Variants in ADAMTSL4 observed in about 807,000 individuals in gnomAD.
The protein encoded by ADAMTSL4 is ADAMTS like 4.
Under a neutral mutation model 122.8 loss-of-function variants are expected in ADAMTSL4, and 97 were observed. The observed-to-expected ratio is 0.79, with a 90% CI of 0.67 to 0.93. The LOEUF (loss-of-function observed/expected upper bound fraction) is 0.93, where lower values mean the gene tolerates loss of function less well. Among genes scored for constraint, ADAMTSL4 ranks in the 40% least tolerant of loss-of-function variants. The probability of loss-of-function intolerance (pLI) is 0.00; values close to 1 mark genes in which losing one functional copy is unlikely to be tolerated. For synonymous variants in ADAMTSL4, 592 were observed against 568.0 expected (o/e 1.04, Z -0.60); for missense variants, 1,408 against 1,453.5 (o/e 0.97, Z 0.51).
Position 150,555,702 on chromosome 1 carries a change from C to T in ADAMTSL4, c.1371+137C>T, listed in dbSNP as rs28630653. 6.9e-6 allele frequency: 5 copies of T among 726,942 alleles called. No individual in the cohort carries two copies. The Admixed American group carries it at 1.5e-4, about 22-fold the overall frequency. The allele number at this position is 726,942 out of a possible 1,614,324, so 45.0% of individuals were successfully genotyped here. A position where few individuals can be genotyped will look rare whatever the true frequency, so the allele number is the denominator to read the frequency against. On this transcript the variant is annotated intron_variant, in intron 8 of 18. Transcript: ENST00000271643. ...GCACATACACACACGCATATGCGCACAGACACATGCACACACGCACACACA... is the reference window on the plus strand; with the variant it reads ...GCACATACACACACGCATATGCGCATAGACACATGCACACACGCACACACA...
chr1:150,558,542 G>A lies in ADAMTSL4; in HGVS notation c.2452G>A (p.Val818Met), dbSNP rs1672446705. The A allele has an allele frequency of 1.9e-6, 3 of 1,613,914 alleles. No individual in the cohort carries two copies. Among genetic ancestry groups the A allele is most frequent in the East Asian group, 2.2e-5 (1 of 44,876 alleles). Residue 818 changes from valine (V) to methionine (M), a missense_variant, in exon 15 of 19, where the codon GTG (valine) becomes ATG (methionine). Val to Met is a conservative substitution (Grantham distance 21). Transcript: ENST00000271643. ...VRCVGNNGDE[V>M]SEQECASGPP... ...CTGTGTTGGGAACAATGGTGATGAA[G>A]TGAGCGAGCAGGAGTGTGCGTCAGG... is the stretch of plus-strand genomic sequence containing the variant.
Position 150,553,588 on chromosome 1 carries a change from A to G in ADAMTSL4, c.597A>G (p.Pro199=). ...RGEEAIPSPT[P]RAEPFSANGS... is the part of the protein sequence containing the mutation. ...AAGAGGCTATTCCGTCCCCTACTCC[A>G]AGAGCAGAGCCATTCTCCGCAAACG... is the stretch of plus-strand genomic sequence containing the variant. The change falls in exon 6 of 19, where the codon CCA becomes CCG. Residue 199 remains proline (P), a synonymous_variant. Coordinates refer to ENST00000271643, the MANE Select transcript of ADAMTSL4 (RefSeq NM_019032.6). 6.2e-7 allele frequency: 1 copy of G among 1,613,648 alleles called. No homozygotes were observed. The highest frequency in any genetic ancestry group is 1.3e-5 in the African/African-American group (1 of 74,844).
intron 8 of ADAMTSL4, 79 bp downstream of exon 8, chr1:150,555,644 C>CACAG (rs1335085776): frequency 1.9e-6 from 3 of 1,577,812 alleles, no homozygotes; most frequent in African/African-American, 1.3e-5. Flanking sequence ...TACACATGTA[C>CACAG]ACACATATGT....
intron 2 of ADAMTSL4, chr1:150,551,103 C>T (rs1570914373): frequency 4.7e-6 from 2 of 426,172 alleles, no homozygotes; most frequent in Non-Finnish European, 9.5e-6. Context: ...GCTGGGGTGG[C>T]TTCCAAGCCT....
intron 8 of ADAMTSL4, chr1:150,555,813 GCACA>G (rs373367825): frequency 2.4e-5 from 15 of 625,954 alleles, no homozygotes; most frequent in African/African-American, 5.5e-5. Flanking sequence ...ATGAACACAT[GCACA>G]CACACGTATG....
In ADAMTSL4 at chr1:150,554,702, C is replaced by A; in HGVS notation, c.1234+235C>A. The A allele has an allele frequency of 6.7e-7, 1 of 1,501,792 alleles. No individual in the cohort carries two copies. The highest frequency in any genetic ancestry group is 1.4e-5 in the African/African-American group (1 of 72,382). The allele number at this position is 1,501,792 out of a possible 1,614,324, so 93.0% of individuals were successfully genotyped here. A position where few individuals can be genotyped will look rare whatever the true frequency, so the allele number is the denominator to read the frequency against. ...GGGAGACACGCTTTGTCCGGACTCC[C>A]CTGGGAAGGCCATCACTGGGGGTCA... On this transcript the variant is annotated intron_variant, in intron 7 of 18. Transcript: ENST00000271643. This position sits in a 1 kb window ranked among gnomAD's most constrained non-coding sequence, Gnocchi z 4.0.
Position 150,559,271 on chromosome 1 carries a change from C to T in ADAMTSL4, c.2764-16C>T, listed in dbSNP as rs775647179. 2.2e-5 allele frequency: 36 copies of T among 1,613,848 alleles called. No individual in the cohort carries two copies. The highest frequency in any genetic ancestry group is 2.7e-5 in the Non-Finnish European group (32 of 1,179,978). On this transcript the variant is annotated splice_polypyrimidine_tract_variant and intron_variant, in intron 16 of 18. Transcript: ENST00000271643. The surrounding 1 kb of genome is among the most constrained non-coding windows in gnomAD (Gnocchi z 4.1). ...TCCTCCCCTCCCCTCATCACCCTGC[C>T]CTCCCCCTACACTAGTGCTCCTCCG... is the stretch of plus-strand genomic sequence containing the variant.
intron 15 of ADAMTSL4, 83 bp from the exon 16 acceptor site, chr1:150,558,879 G>A (rs587640916): frequency 4.9e-5 from 76 of 1,540,168 alleles, no homozygotes; most frequent in South Asian, 4.8e-4. Context: ...TCGGACCCAG[G>A]ATGCGTCCCT....
In ADAMTSL4 at chr1:150,554,081, T is replaced by C; in HGVS notation, c.1090T>C (p.Cys364Arg). ...LFAPSSPIPR[C>R]SGESEQLRAC... ...TGCTCCCAGTAGCCCTATTCCAAGATGTTCTGGGGAGAGTGAACAGCTAAG... is the reference window on the plus strand; with the variant it reads ...TGCTCCCAGTAGCCCTATTCCAAGACGTTCTGGGGAGAGTGAACAGCTAAG... Residue 364 changes from cysteine (C) to arginine (R), a missense_variant, in exon 6 of 19, where the codon TGT becomes CGT. Cys to Arg is a radical substitution (Grantham distance 180, BLOSUM62 -3). Transcript: ENST00000271643. This position sits in a 1 kb window ranked among gnomAD's most constrained non-coding sequence, Gnocchi z 4.0. 3 of 1,602,598 alleles carry C rather than the reference T, an allele frequency of 1.9e-6. No homozygotes were observed. The highest frequency in any genetic ancestry group is 2.5e-6 in the Non-Finnish European group (3 of 1,179,916).
In ADAMTSL4 at chr1:150,559,469, G is replaced by C; in HGVS notation, c.2943+3G>C. 1 of 1,613,072 alleles carries C rather than the reference G, an allele frequency of 6.2e-7. No individual in the cohort carries two copies. Among genetic ancestry groups the C allele is most frequent in the Admixed American group, 1.7e-5 (1 of 60,012 alleles). ...GGTTTTCCACGCCCTGGAGCCCAGT[G>C]AGTGTCTGGCTGCGCTGTCCTGCCC... On this transcript the variant is annotated splice_donor_region_variant and intron_variant, in intron 17 of 18. Transcript: ENST00000271643. The surrounding 1 kb of genome is among the most constrained non-coding windows in gnomAD (Gnocchi z 4.1).
Position 150,555,413 on chromosome 1 carries a change from C to G in ADAMTSL4, c.1235-16C>G, listed in dbSNP as rs1322316375. The G allele has an allele frequency of 6.8e-6, 11 of 1,613,980 alleles. No individual in the cohort carries two copies. The highest frequency in any genetic ancestry group is 8.5e-6 in the Non-Finnish European group (10 of 1,179,926). On this transcript the variant is annotated splice_polypyrimidine_tract_variant and intron_variant, in intron 7 of 18. Transcript: ENST00000271643. Reference sequence around the variant, plus strand: ...ACCAGGGAGCCCACTAACCACCCTTCTACCCTGTCCCTTAGTCCAGGGCTC... The same window carrying G: ...ACCAGGGAGCCCACTAACCACCCTTGTACCCTGTCCCTTAGTCCAGGGCTC...
At position 150,559,698 on chromosome 1, in the gene ADAMTSL4, C is replaced by T; in HGVS notation, c.2944-63C>T. On this transcript the variant is annotated intron_variant, in intron 17 of 18. Transcript: ENST00000271643. This position sits in a 1 kb window ranked among gnomAD's most constrained non-coding sequence, Gnocchi z 4.1. ...CACCTTTTGGGGAGAGAGGTGGCAG[C>T]CAGGGGTTAAGGAGAATCCCGGGCC... 3.1e-6 allele frequency: 5 copies of T among 1,610,908 alleles called. No individual in the cohort carries two copies. The East Asian group carries it at 8.9e-5, about 29-fold the overall frequency.
At chr1:150,555,837 GCA>G (rs1491395422) in intron 8 of ADAMTSL4, 36 of 610,494 alleles carry the variant, frequency 5.9e-5, no homozygotes, top group Middle Eastern at 4.4e-4. Flanking sequence ...GCAGACACAT[GCA>G]CACACATGTA....
At position 150,557,063 on chromosome 1, in the gene ADAMTSL4, C is replaced by G; in HGVS notation, c.1861+13C>G. The G allele has an allele frequency of 1.2e-6, 2 of 1,612,854 alleles. No homozygotes were observed. The highest frequency in any genetic ancestry group is 1.7e-6 in the Non-Finnish European group (2 of 1,178,920). On this transcript the variant is annotated intron_variant, in intron 11 of 18. Transcript: ENST00000271643. ...CAGCTTCAGCCGGGTAAGACTCTGA[C>G]CCCTGCACTTGGAAGGAGGAGGGAG...
Position 150,554,064 on chromosome 1 carries a change from G to A in ADAMTSL4, c.1073G>A (p.Ser358Asn). ...TCCCTCTGGAGCCTCTTTGCTCCCA[G>A]TAGCCCTATTCCAAGATGTTCTGGG... ...ASSLWSLFAP[S>N]SPIPRCSGES... The change falls in exon 6 of 19, where the codon AGT becomes AAT. Residue 358 changes from serine (S) to asparagine (N), a missense_variant. By Grantham distance (46) the Ser-to-Asn change is conservative (BLOSUM62 1). Transcript: ENST00000271643. The surrounding 1 kb of genome is among the most constrained non-coding windows in gnomAD (Gnocchi z 4.0). 1.2e-6 allele frequency: 2 copies of A among 1,605,738 alleles called. No individual in the cohort carries two copies. Among genetic ancestry groups the A allele is most frequent in the Non-Finnish European group, 1.7e-6 (2 of 1,179,936 alleles).
chr1:150,550,840 G>C (rs1255586200), intron 2 of ADAMTSL4: 1 of 456,554 alleles, frequency 2.2e-6, no homozygotes, highest in Non-Finnish European at 4.4e-6. Context: ...CGAACCCTAG[G>C]TCTCAGGGAG....
At chr1:150,551,035 G>A in intron 2 of ADAMTSL4, 1 of 456,006 alleles carries the variant, frequency 2.2e-6, no homozygotes, top group South Asian at 1.5e-5. Flanking sequence ...GGGATGAGGA[G>A]CAGGGGTGGG....
At position 150,556,100 on chromosome 1, in the gene ADAMTSL4, C is replaced by A; in HGVS notation, c.1372-62C>A. ...AGTGAGCTGAGGCTCCCGAGGGGACCGGGGTGGGGTTGAGGTGGTGTCTGG... is the reference window on the plus strand; with the variant it reads ...AGTGAGCTGAGGCTCCCGAGGGGACAGGGGTGGGGTTGAGGTGGTGTCTGG... On this transcript the variant is annotated intron_variant, in intron 8 of 18. Coordinates refer to ENST00000271643, the MANE Select transcript of ADAMTSL4 (RefSeq NM_019032.6). This position sits in a 1 kb window ranked among gnomAD's most constrained non-coding sequence, Gnocchi z 4.1. 1 of 1,584,840 alleles carries A rather than the reference C, an allele frequency of 6.3e-7. No homozygotes were observed. Among genetic ancestry groups the A allele is most frequent in the Non-Finnish European group, 8.6e-7 (1 of 1,157,848 alleles).
At chr1:150,550,327 C>T in intron 2 of ADAMTSL4, 1 of 450,752 alleles carries the variant, frequency 2.2e-6, no homozygotes, top group South Asian at 1.6e-5. Context: ...GGCATGGGCC[C>T]CTGCCGGGCT....
Sources: allele counts gnomAD v4.1 joint callset, GRCh38; gene constraint gnomAD v4.1.1; non-coding constraint Gnocchi (gnomAD v3.1); transcripts MANE v1.5; gene names NCBI Gene and HGNC (gene_info 2026-07-23, HGNC 2026-07-21).